SPATA16: variants seen among roughly 807,000 people sequenced by gnomAD.
The protein encoded by SPATA16 is spermatogenesis-associated protein 16.
SPATA16 carries 36 observed loss-of-function variants against 63.3 expected under a neutral mutation model. The observed-to-expected ratio is 0.57, with a 90% CI of 0.44 to 0.75. The LOEUF is 0.75. Among genes scored for constraint, SPATA16 ranks in the 30% least tolerant of loss-of-function variants. The probability of loss-of-function intolerance (pLI) is 0.00; values close to 1 mark genes in which losing one functional copy is unlikely to be tolerated. For missense variants in SPATA16, 646 were observed against 679.3 expected, an observed-to-expected ratio of 0.95 and a Z score of 0.54; for synonymous variants, 203 against 216.7, an observed-to-expected ratio of 0.94 and a Z score of 0.56.
chr3:172,949,308 G>C (rs1577102093), intron 6 of SPATA16, among the ~76,000 whole-genome samples: 1 of 152,132 alleles, frequency 6.6e-6, no homozygotes, highest in Non-Finnish European at 1.5e-5. Context: ...TAGACCATAA[G>C]ATCATCAAGA....
At chr3:173,132,369 A>G (rs954020859) in intron 1 of SPATA16, among the ~76,000 whole-genome samples, 1 of 152,182 alleles carries the variant, frequency 6.6e-6, no homozygotes, top group Non-Finnish European at 1.5e-5. Context: ...TTGGATCCCT[A>G]GAAGGAACAC....
intron 4 of SPATA16, among the ~76,000 whole-genome samples, chr3:173,000,912 T>C (rs1321713610): frequency 6.6e-6 from 1 of 152,192 alleles, no homozygotes; most frequent in African/African-American, 2.4e-5. Flanking sequence ...TTCTTTACTT[T>C]TATTATTCAT....
At chr3:173,082,479 C>T (rs1172551703) in intron 2 of SPATA16, among the ~76,000 whole-genome samples, 2 of 152,196 alleles carry the variant, frequency 1.3e-5, no homozygotes, top group African/African-American at 2.4e-5. Context: ...TGTGCCTGGA[C>T]AACCCAGACC....
At chr3:172,923,590 T>C (rs1732662005) in intron 8 of SPATA16, among the ~76,000 whole-genome samples, 1 of 152,222 alleles carries the variant, frequency 6.6e-6, no homozygotes. Context: ...TGAGAAGTTC[T>C]CTTTATATAC....
At chr3:173,051,393 G>A (rs12490746) in intron 2 of SPATA16, among the ~76,000 whole-genome samples, 24,165 of 152,020 alleles carry the variant, frequency 0.16, 3,799 homozygotes, top group African/African-American at 0.4. Context: ...TAGTAGAGAC[G>A]GGGTTTCACC....
Position 172,961,022 on chromosome 3 carries a change from CTCTTTCTCTCTT to C in SPATA16, c.934-4210_934-4199del, listed in dbSNP as rs1286388924. 9.9e-4 allele frequency among the ~76,000 whole-genome samples: 43 copies of C among 43,604 alleles called. 1 individual carries two copies. The highest frequency in any genetic ancestry group is 5.2e-3 in the South Asian group (7 of 1,348). 28.6% of individuals were successfully genotyped at this position (43,604 alleles called of 152,430 possible). A position where few individuals can be genotyped will look rare whatever the true frequency, so the allele number is the denominator to read the frequency against. ...TTTCTCTTTCTTTCTTTCTTTTTCT[CTCTTTCTCTCTT>C]TCTTTCTTTCTTTCTTCTTTCTTTC... On this transcript the variant is annotated intron_variant, in intron 5 of 10. Coordinates refer to ENST00000351008, the MANE Select transcript of SPATA16 (RefSeq NM_031955.6).
At chr3:173,114,903 T>C (rs922283546) in intron 2 of SPATA16, among the ~76,000 whole-genome samples, 2 of 152,222 alleles carry the variant, frequency 1.3e-5, no homozygotes, top group Non-Finnish European at 1.5e-5. Flanking sequence ...TAGCTTTGTT[T>C]TTTTGAGATA....
intron 4 of SPATA16, among the ~76,000 whole-genome samples, chr3:173,006,246 A>G (rs917762361): frequency 6.6e-6 from 1 of 152,214 alleles, no homozygotes; most frequent in East Asian, 1.9e-4. Context: ...TAGTGGTGGA[A>G]TTATCATGTC....
rs549859879 is a variant in SPATA16, at chr3:172,959,711, A to G, written c.934-2887T>C. 1.1e-3 allele frequency among the ~76,000 whole-genome samples: 169 copies of G among 151,238 alleles called. 1 individual carries two copies. The highest frequency in any genetic ancestry group is 4.0e-3 in the African/African-American group (165 of 41,176). ...GTGTTTTAATGTACTAATATTTTTT[A>G]TTCTTCTAGAGACAGACAATCTTGA... On this transcript the variant is annotated intron_variant, in intron 5 of 10. Coordinates refer to ENST00000351008, the MANE Select transcript of SPATA16 (RefSeq NM_031955.6).
intron 6 of SPATA16, among the ~76,000 whole-genome samples, chr3:172,948,255 A>G (rs1230282003): frequency 3.3e-5 from 5 of 152,200 alleles, no homozygotes; most frequent in African/African-American, 1.2e-4. Flanking sequence ...AACAACATGC[A>G]AAAGACCTCC....
At chr3:173,097,932 A>G (rs147035581) in intron 2 of SPATA16, among the ~76,000 whole-genome samples, 1 of 152,318 alleles carries the variant, frequency 6.6e-6, no homozygotes, top group Non-Finnish European at 1.5e-5. Flanking sequence ...AGGGCATAAA[A>G]CATGGAAGGA....
At chr3:172,925,224 G>T in intron 7 of SPATA16, 122 bp downstream of exon 7, 1 of 1,078,058 alleles carries the variant, frequency 9.3e-7, no homozygotes, top group Non-Finnish European at 1.4e-6. Context: ...CAGAATTCCA[G>T]GTATTGTTAA....
intron 3 of SPATA16, among the ~76,000 whole-genome samples, chr3:173,024,522 T>C (rs1311643332): frequency 1.3e-5 from 2 of 150,902 alleles, no homozygotes; most frequent in East Asian, 4.0e-4. Context: ...ATGAATTAGG[T>C]TAATTAATGA....
intron 10 of SPATA16, among the ~76,000 whole-genome samples, chr3:172,904,874 G>A (rs780995078): frequency 2.0e-5 from 3 of 152,142 alleles, no homozygotes; most frequent in Non-Finnish European, 4.4e-5. Flanking sequence ...TTGCCCCAGG[G>A]CTTAGCTTCT....
intron 2 of SPATA16, among the ~76,000 whole-genome samples, chr3:173,054,731 C>T (rs529239197): frequency 3.3e-5 from 5 of 151,992 alleles, no homozygotes; most frequent in South Asian, 2.1e-4. Context: ...CTGTACGTTC[C>T]GCACATGTAT....
At chr3:172,991,001 G>A (rs1255733646) in intron 4 of SPATA16, among the ~76,000 whole-genome samples, 2 of 152,042 alleles carry the variant, frequency 1.3e-5, no homozygotes, top group African/African-American at 4.8e-5. Context: ...GAAAACAAAG[G>A]GCAGAGGAAA....
At chr3:173,071,215 A>T (rs180709935) in intron 2 of SPATA16, among the ~76,000 whole-genome samples, 2 of 152,200 alleles carry the variant, frequency 1.3e-5, no homozygotes, top group Non-Finnish European at 2.9e-5. Context: ...TGGGTAAAGG[A>T]TGGTCTCTTC....
chr3:173,056,982 T>G (rs1182575624), intron 2 of SPATA16, among the ~76,000 whole-genome samples: 1 of 152,078 alleles, frequency 6.6e-6, no homozygotes, highest in African/African-American at 2.4e-5. Flanking sequence ...TTTCATGTAT[T>G]TTGCCTGAAA....
intron 6 of SPATA16, among the ~76,000 whole-genome samples, chr3:172,936,451 A>C (rs1385313450): frequency 6.6e-6 from 1 of 152,096 alleles, no homozygotes; most frequent in African/African-American, 2.4e-5. Context: ...TCTGTCATGC[A>C]TTTCTCTATA....
Sources: gnomAD v4.1 joint callset for allele counts (sites outside exome capture counted in the v4.1 genomes callset) on GRCh38, gnomAD v4.1.1 for gene constraint, MANE v1.5 for transcripts, NCBI Gene and HGNC (gene_info 2026-07-23, HGNC 2026-07-21) for gene names.